RAB27B: variants seen among roughly 807,000 people sequenced by gnomAD.
The protein encoded by RAB27B is RAB27B, member RAS oncogene family, also known as ras-related protein Rab-27B.
RAB27B carries 15 observed loss-of-function variants against 24.6 expected under a neutral mutation model. That is an observed-to-expected ratio of 0.61 (90% CI 0.41 to 0.94). RAB27B has a LOEUF of 0.94. Ranked by LOEUF, RAB27B falls within the 40% of genes least tolerant of loss-of-function variation. The probability of loss-of-function intolerance (pLI) is 0.00; values close to 1 mark genes in which losing one functional copy is unlikely to be tolerated. For missense variants in RAB27B, 261 were observed against 266.8 expected (o/e 0.98, Z 0.15); for synonymous variants, 105 against 92.5 (o/e 1.14, Z -0.78).
intron 2 of RAB27B, among the ~76,000 whole-genome samples, chr18:54,818,698 T>C (rs1910196894): frequency 6.6e-6 from 1 of 152,156 alleles, no homozygotes; most frequent in African/African-American, 2.4e-5. Context: ...GACATGCATC[T>C]GAGAAAGCCC....
chr18:54,819,187 A>G (rs1029111741), intron 2 of RAB27B, among the ~76,000 whole-genome samples: 1 of 148,054 alleles, frequency 6.8e-6, no homozygotes, highest in Non-Finnish European at 1.5e-5. Flanking sequence ...TGAATATTAT[A>G]TACTATAAAT....
At chr18:54,850,990 T>G (rs1911563290) in intron 1 of RAB27B, among the ~76,000 whole-genome samples, 1 of 152,082 alleles carries the variant, frequency 6.6e-6, no homozygotes, top group Admixed American at 6.5e-5. Flanking sequence ...TTAAGCCTTT[T>G]AATTTGCAAA....
At chr18:54,850,347 TATATATATATATAC>T (rs1911519851) in intron 1 of RAB27B, among the ~76,000 whole-genome samples, 2 of 136,312 alleles carry the variant, frequency 1.5e-5, no homozygotes, top group African/African-American at 5.7e-5. Context: ...TATATATATA[TATATATATATATAC>T]ATACATACAT....
chr18:54,884,525 G>A, intron 4 of RAB27B, 89 bp downstream of exon 4: 1 of 805,476 alleles, frequency 1.2e-6, no homozygotes, highest in African/African-American at 1.7e-5. Context: ...ACCAGATTGG[G>A]TACCACAGAT....
At chr18:54,791,837 CATGCT>C (rs1909257575) in intron 2 of RAB27B, among the ~76,000 whole-genome samples, 1 of 152,184 alleles carries the variant, frequency 6.6e-6, no homozygotes, top group African/African-American at 2.4e-5. Flanking sequence ...CACACTGGCA[CATGCT>C]GGCAAGCCAG....
chr18:54,831,245 G>A (rs1910662478), intron 1 of RAB27B, among the ~76,000 whole-genome samples: 1 of 152,150 alleles, frequency 6.6e-6, no homozygotes, highest in South Asian at 2.1e-4. Flanking sequence ...TCAGAGGCAA[G>A]TAATGGAATG....
intron 2 of RAB27B, among the ~76,000 whole-genome samples, chr18:54,750,802 A>G (rs73959271): frequency 0.057 from 8,721 of 152,330 alleles, 314 homozygotes; most frequent in Admixed American, 0.086. Flanking sequence ...CAAAGAACCC[A>G]TAAGTCAATG....
intron 2 of RAB27B, among the ~76,000 whole-genome samples, chr18:54,764,712 T>C (rs903017627): frequency 2.0e-5 from 3 of 152,206 alleles, no homozygotes; most frequent in Non-Finnish European, 2.9e-5. Flanking sequence ...AACTTGGATG[T>C]TGTTTTTCCA....
At chr18:54,866,134 C>A in intron 1 of RAB27B, among the ~76,000 whole-genome samples, 1 of 152,064 alleles carries the variant, frequency 6.6e-6, no homozygotes. Context: ...GTTTTGAGAG[C>A]CCCCAGCTAA....
intron 2 of RAB27B, among the ~76,000 whole-genome samples, chr18:54,816,355 T>C (rs2008551): frequency 0.55 from 83,129 of 152,082 alleles, 23,342 homozygotes; most frequent in African/African-American, 0.65. Context: ...TTGAATTCAA[T>C]TTCGAGATAT....
At chr18:54,793,554 A>G (rs1475544702) in intron 2 of RAB27B, among the ~76,000 whole-genome samples, 1 of 152,232 alleles carries the variant, frequency 6.6e-6, no homozygotes, top group Non-Finnish European at 1.5e-5. Context: ...TTTGGACCAG[A>G]TAGTCCCTAG....
intron 2 of RAB27B, among the ~76,000 whole-genome samples, chr18:54,759,439 T>C (rs1307200260): frequency 1.3e-5 from 2 of 152,204 alleles, no homozygotes; most frequent in Non-Finnish European, 2.9e-5. Context: ...GTGATTCTAA[T>C]GAGCTCTGTA....
At chr18:54,865,842 C>A (rs1189189492) in intron 1 of RAB27B, among the ~76,000 whole-genome samples, 4 of 152,126 alleles carry the variant, frequency 2.6e-5, no homozygotes, top group Non-Finnish European at 4.4e-5. Flanking sequence ...ACCCTCTCAG[C>A]TGTTTATCAG....
intron 2 of RAB27B, among the ~76,000 whole-genome samples, chr18:54,737,869 T>C (rs1031811174): frequency 6.6e-6 from 1 of 152,196 alleles, no homozygotes; most frequent in African/African-American, 2.4e-5. Context: ...TGTTCAACTT[T>C]TATCGAACAC....
intron 3 of RAB27B, among the ~76,000 whole-genome samples, chr18:54,881,585 T>A (rs1179560172): frequency 6.6e-6 from 1 of 152,190 alleles, no homozygotes; most frequent in Non-Finnish European, 1.5e-5. Flanking sequence ...TCTGCCATCC[T>A]GCAAACTCAA....
At chr18:54,772,466 C>T (rs939877798) in intron 2 of RAB27B, among the ~76,000 whole-genome samples, 2 of 152,184 alleles carry the variant, frequency 1.3e-5, no homozygotes, top group African/African-American at 2.4e-5. Context: ...CTGTATTGGC[C>T]TCTAGGCTTA....
intron 2 of RAB27B, among the ~76,000 whole-genome samples, chr18:54,812,618 A>G (rs1422727943): frequency 6.6e-6 from 1 of 150,910 alleles, no homozygotes; most frequent in African/African-American, 2.4e-5. Context: ...TTTCAGGTGT[A>G]GTGTTCCATG....
chr18:54,794,659 A>G (rs1030122572), intron 2 of RAB27B, among the ~76,000 whole-genome samples: 3 of 152,198 alleles, frequency 2.0e-5, no homozygotes, highest in African/African-American at 7.2e-5. Context: ...CACGTAAAAA[A>G]TCTTAATTCC....
intron 3 of RAB27B, among the ~76,000 whole-genome samples, chr18:54,881,369 A>T (rs1912917406): frequency 6.6e-6 from 1 of 151,992 alleles, no homozygotes; most frequent in African/African-American, 2.4e-5. Context: ...GTGGGCAGTT[A>T]TCTCTGCATT....
Sources: allele counts gnomAD v4.1 joint callset (sites outside exome capture counted in the v4.1 genomes callset), GRCh38; gene constraint gnomAD v4.1.1; transcripts MANE v1.5; gene names NCBI Gene and HGNC (gene_info 2026-07-23, HGNC 2026-07-21).